The following CACNB4 variants were observed in gnomAD, a reference collection of about 807,000 sequenced individuals.
CACNB4 encodes calcium voltage-gated channel auxiliary subunit beta 4.
In CACNB4, 32 loss-of-function variants were observed where a neutral mutation model predicts 71.2. The observed-to-expected ratio is 0.45, with a 90% CI of 0.34 to 0.60. The LOEUF is 0.60. Among genes scored for constraint, CACNB4 ranks in the 20% least tolerant of loss-of-function variants. The pLI, the probability that CACNB4 is intolerant of heterozygous loss-of-function variation, is 0.01. For missense variants in CACNB4, 464 were observed against 647.9 expected, an observed-to-expected ratio of 0.72 and a Z score of 3.08; for synonymous variants, 231 against 236.9, an observed-to-expected ratio of 0.97 and a Z score of 0.23.
chr2:151,865,762 T>TTTTC (rs1012742899), intron 9 of CACNB4: 2 of 115,352 alleles, frequency 1.7e-5, no homozygotes, highest in Non-Finnish European at 3.5e-5. Context: ...AGTATTGTGT[T>TTTTC]TTTCTTTTTC....
chr2:151,932,471 T>A (rs1015298681), intron 2 of CACNB4, among the ~76,000 whole-genome samples: 3 of 152,068 alleles, frequency 2.0e-5, no homozygotes, highest in Admixed American at 6.5e-5. Flanking sequence ...ATATCTGATA[T>A]GAGTTGAATT....
intron 12 of CACNB4, among the ~76,000 whole-genome samples, chr2:151,846,222 T>C (rs1189498627): frequency 6.6e-6 from 1 of 152,142 alleles, no homozygotes; most frequent in Non-Finnish European, 1.5e-5. Context: ...TGCTAAACCT[T>C]GAAAATTCTG....
intron 2 of CACNB4, among the ~76,000 whole-genome samples, chr2:152,081,880 C>T (rs770189651): frequency 1.1e-4 from 17 of 152,180 alleles, no homozygotes; most frequent in African/African-American, 2.2e-4. Flanking sequence ...GTGGCAAACA[C>T]GGAGTAAGCA....
chr2:152,056,959 G>C (rs2105317373), intron 2 of CACNB4, among the ~76,000 whole-genome samples: 1 of 152,048 alleles, frequency 6.6e-6, no homozygotes, highest in African/African-American at 2.4e-5. Flanking sequence ...AAGCCTCTAA[G>C]ATGGCCCCCA....
At chr2:151,956,939 A>G (rs1239655125) in intron 2 of CACNB4, among the ~76,000 whole-genome samples, 1 of 152,166 alleles carries the variant, frequency 6.6e-6, no homozygotes, top group African/African-American at 2.4e-5. Flanking sequence ...TGAGGTCAGG[A>G]GTTCAAGACC....
In CACNB4 at chr2:151,841,969, C is replaced by T. The variant is rs1191194277; in HGVS notation, c.1236G>A (p.Pro412=). 1.3e-5 allele frequency: 21 copies of T among 1,613,760 alleles called. No homozygotes were observed. Among genetic ancestry groups the T allele is most frequent in the African/African-American group, 9.3e-5 (7 of 74,896 alleles). Reference sequence around the variant, plus strand: ...TGGAGCCCAAATTCCTTCCCAGCAGCGGGGTCATGGGTGTGCTACTGGTTG... The same window carrying T: ...TGGAGCCCAAATTCCTTCCCAGCAGTGGGGTCATGGGTGTGCTACTGGTTG... ...THTTSSTPMT[P]LLGRNLGSTA... The change falls in exon 13 of 14, where the codon CCG becomes CCA. Residue 412 remains proline (P), a synonymous_variant. Transcript: ENST00000539935.
intron 8 of CACNB4, 195 bp downstream of exon 8, chr2:151,870,336 G>C (rs1386972555): frequency 2.8e-6 from 2 of 704,464 alleles, no homozygotes; most frequent in African/African-American, 1.7e-5. Context: ...ATACATAAAA[G>C]ATGAGAAGTG....
In CACNB4 at chr2:151,922,739, G is replaced by A. The variant is rs552454508; in HGVS notation, c.148-39369C>T. Among the ~76,000 whole-genome samples, 3 of 152,306 alleles carry A rather than the reference G, an allele frequency of 2.0e-5. No homozygotes were observed. In the East Asian group the frequency reaches 5.8e-4, roughly 29 times the overall value. On this transcript the variant is annotated intron_variant, in intron 2 of 13. Coordinates refer to ENST00000539935, the MANE Select transcript of CACNB4 (RefSeq NM_000726.5). ...GAACTTTCCAAAAGATATTTACCAAGACAGTTGCAGTTTGTGGACTCCAGC... is the reference window on the plus strand; with the variant it reads ...GAACTTTCCAAAAGATATTTACCAAAACAGTTGCAGTTTGTGGACTCCAGC...
At chr2:152,082,357 T>C (rs1241033499) in intron 2 of CACNB4, among the ~76,000 whole-genome samples, 1 of 152,238 alleles carries the variant, frequency 6.6e-6, no homozygotes, top group African/African-American at 2.4e-5. Context: ...TATGAGTTCA[T>C]CTCAGCACTT....
At chr2:151,954,625 G>T (rs1354717054) in intron 2 of CACNB4, among the ~76,000 whole-genome samples, 1 of 152,072 alleles carries the variant, frequency 6.6e-6, no homozygotes, top group African/African-American at 2.4e-5. Context: ...AGAGATTTCG[G>T]ATATGGCCAT....
At chr2:152,043,652 G>A (rs1296521203) in intron 2 of CACNB4, among the ~76,000 whole-genome samples, 3 of 152,182 alleles carry the variant, frequency 2.0e-5, no homozygotes, top group Non-Finnish European at 2.9e-5. Context: ...TAAAGTGAGA[G>A]GGACTATGTG....
chr2:152,020,517 T>G (rs1683599940), intron 2 of CACNB4, among the ~76,000 whole-genome samples: 1 of 152,198 alleles, frequency 6.6e-6, no homozygotes, highest in Non-Finnish European at 1.5e-5. Context: ...TTTTGTGATG[T>G]CTGATGATAA....
At chr2:152,058,289 A>C (rs1170525065) in intron 2 of CACNB4, among the ~76,000 whole-genome samples, 5 of 152,222 alleles carry the variant, frequency 3.3e-5, no homozygotes, top group Admixed American at 2.0e-4. Context: ...GGGTACTGCT[A>C]TAAAGACACC....
chr2:151,870,272 T>C (rs569764422), intron 8 of CACNB4: 2 of 703,010 alleles, frequency 2.8e-6, no homozygotes, highest in South Asian at 3.0e-5. Flanking sequence ...AGCAAATCTT[T>C]GACCAGATCT....
At chr2:151,903,968 T>C (rs1006300523) in intron 2 of CACNB4, among the ~76,000 whole-genome samples, 3 of 152,036 alleles carry the variant, frequency 2.0e-5, no homozygotes, top group Non-Finnish European at 4.4e-5. Context: ...GTATAATAAG[T>C]ATGTATAGGA....
At chr2:151,853,399 C>T (rs1179407820) in intron 12 of CACNB4, 49 bp downstream of exon 12, 1 of 1,086,632 alleles carries the variant, frequency 9.2e-7, no homozygotes, top group Admixed American at 2.9e-5. Flanking sequence ...AAAACCCACC[C>T]TCTTCTAACT....
chr2:152,034,495 C>G (rs1025767281), intron 2 of CACNB4, among the ~76,000 whole-genome samples: 1 of 152,214 alleles, frequency 6.6e-6, no homozygotes, highest in African/African-American at 2.4e-5. Context: ...TTGCTGCCTG[C>G]TCCGGCCTCT....
intron 2 of CACNB4, among the ~76,000 whole-genome samples, chr2:151,978,407 T>C (rs2099874172): frequency 6.6e-6 from 1 of 152,058 alleles, no homozygotes; most frequent in South Asian, 2.1e-4. Flanking sequence ...ATGTGAATGG[T>C]CCTCCCTGTG....
rs111863488 is a variant in CACNB4, at chr2:152,076,324, T to G, written c.147+22006A>C. Among the ~76,000 whole-genome samples the G allele has an allele frequency of 6.2e-3, 926 of 149,948 alleles. 4 individuals are homozygous for G. Among genetic ancestry groups the G allele is most frequent in the African/African-American group, 0.021 (869 of 41,038 alleles). On this transcript the variant is annotated intron_variant, in intron 2 of 13. Coordinates refer to ENST00000539935, the MANE Select transcript of CACNB4 (RefSeq NM_000726.5). ...ACCTGGCTAATTTTTTGGGTTTTTT[T>G]TTTTTTTTTTGTATTTTTTTGTAGA... is the stretch of plus-strand genomic sequence containing the variant.
Sources: allele counts gnomAD v4.1 joint callset (sites outside exome capture counted in the v4.1 genomes callset), GRCh38; gene constraint gnomAD v4.1.1; transcripts MANE v1.5; gene names NCBI Gene and HGNC (gene_info 2026-07-23, HGNC 2026-07-21).